Variants in LCK observed in about 807,000 individuals in gnomAD.
LCK encodes the protein LCK proto-oncogene, Src family tyrosine kinase, also known as tyrosine-protein kinase Lck.
In LCK, 14 loss-of-function variants were observed where a neutral mutation model predicts 64.6. That is an observed-to-expected ratio of 0.22 (90% CI 0.14 to 0.34). LCK has a LOEUF of 0.34. Ranked by LOEUF, LCK falls within the 10% of genes least tolerant of loss-of-function variation. The pLI, the probability that LCK is intolerant of heterozygous loss-of-function variation, is 1.00. For synonymous variants in LCK, 277 were observed against 263.6 expected, an observed-to-expected ratio of 1.05 and a Z score of -0.49; for missense variants, 434 against 668.1, an observed-to-expected ratio of 0.65 and a Z score of 3.86.
Position 32,274,797 on chromosome 1 carries a change from C to A in LCK, c.166C>A (p.Pro56Thr). Residue 56 changes from proline to threonine, a missense_variant, in exon 3 of 13, where the codon CCG becomes ACG. Transcript: ENST00000336890. ...ACTGGTTACCTACGAAGGCTCCAATCCGCCGGCTTCCCCACTGCAAGGTGA... is the reference window on the plus strand; with the variant it reads ...ACTGGTTACCTACGAAGGCTCCAATACGCCGGCTTCCCCACTGCAAGGTGA... ...DPLVTYEGSNPPASPLQDNLV... is the reference protein window; with the variant it reads ...DPLVTYEGSNTPASPLQDNLV... 1.2e-6 allele frequency: 2 copies of A among 1,613,634 alleles called. No individual in the cohort carries two copies. The highest frequency in any genetic ancestry group is 1.7e-6 in the Non-Finnish European group (2 of 1,179,758).
In LCK at chr1:32,283,250, T is replaced by C. The variant is rs539306931; in HGVS notation, c.1328-2264T>C. ...GTTGCAGTGAGCCGAGACTGTACCA[T>C]TGCACTCCAGCCTGGGCAACAGAGC... On this transcript the variant is annotated intron_variant, in intron 12 of 12. Coordinates refer to ENST00000336890, the MANE Select transcript of LCK (RefSeq NM_005356.5). Among the ~76,000 whole-genome samples, 158 of 146,898 alleles carry C rather than the reference T, an allele frequency of 1.1e-3. 1 individual carries two copies. The highest frequency in any genetic ancestry group is 3.9e-3 in the African/African-American group (154 of 39,268).
In LCK at chr1:32,265,783, C is replaced by G. The variant is rs112529317; in HGVS notation, c.-5-8542C>G. Reference sequence around the variant, plus strand: ...CTTCTGCTTCTTCTACTGGCCTTTTCTCACTGTTGCACCATAGTTTATCTC... The same window carrying G: ...CTTCTGCTTCTTCTACTGGCCTTTTGTCACTGTTGCACCATAGTTTATCTC... On this transcript the variant is annotated intron_variant, in intron 1 of 12. Transcript: ENST00000336890. 5.9e-5 allele frequency among the ~76,000 whole-genome samples: 9 copies of G among 152,284 alleles called. 1 individual carries two copies. The highest frequency in any genetic ancestry group is 2.2e-4 in the African/African-American group (9 of 41,572).
intron 1 of LCK, among the ~76,000 whole-genome samples, chr1:32,253,291 T>C (rs760193369): frequency 2.4e-4 from 37 of 151,992 alleles, no homozygotes; most frequent in Non-Finnish European, 4.7e-4. Context: ...GAACCCGGGA[T>C]GCACAGGTTG....
intron 11 of LCK, 39 bp downstream of exon 11, chr1:32,280,033 G>T (rs1204841375): frequency 6.2e-7 from 1 of 1,613,940 alleles, no homozygotes; most frequent in Admixed American, 1.7e-5. Flanking sequence ...GCCCTGCAGG[G>T]TCTGGCCAAG....
Position 32,274,337 on chromosome 1 carries a change from G to C in LCK, c.8G>C (p.Cys3Ser), listed in dbSNP as rs1640189479. The part of the protein sequence containing the change: MG[C>S]GCSSHPEDDW... ...TCCATTCCCTCAGGGACCATGGGCTGTGGCTGCAGCTCACACCCGGAAGAT... is the reference window on the plus strand; with the variant it reads ...TCCATTCCCTCAGGGACCATGGGCTCTGGCTGCAGCTCACACCCGGAAGAT... Residue 3 changes from cysteine (C) to serine (S), a missense_variant, in exon 2 of 13, where the codon TGT becomes TCT. Cys to Ser is a moderately radical substitution (Grantham distance 112). This residue lies in a region of LCK where 233 missense variants were observed against 291.2 expected (regional missense o/e 0.80). Transcript: ENST00000336890. 2.5e-6 allele frequency: 4 copies of C among 1,614,018 alleles called. No homozygotes were observed. Among genetic ancestry groups the C allele is most frequent in the Non-Finnish European group, 1.7e-6 (2 of 1,179,998 alleles).
intron 9 of LCK, among the ~76,000 whole-genome samples, chr1:32,278,777 A>T (rs75301577): frequency 2.0e-5 from 3 of 152,148 alleles, no homozygotes; most frequent in Non-Finnish European, 4.4e-5. Flanking sequence ...ATCTATGTCT[A>T]TGTATTTGCT....
intron 1 of LCK, among the ~76,000 whole-genome samples, chr1:32,257,288 G>T (rs559307027): frequency 6.7e-6 from 1 of 148,418 alleles, no homozygotes; most frequent in East Asian, 2.0e-4. Context: ...TTGCTCTGTC[G>T]CCTAGGCTGG....
intron 1 of LCK, among the ~76,000 whole-genome samples, chr1:32,256,598 TA>T (rs947732140): frequency 1.9e-4 from 28 of 146,036 alleles, no homozygotes; most frequent in East Asian, 2.0e-4. Flanking sequence ...AACTCTGTCT[TA>T]AAAAAAAAAA....
intron 1 of LCK, among the ~76,000 whole-genome samples, chr1:32,253,474 G>C (rs1011807370): frequency 2.0e-5 from 3 of 152,162 alleles, no homozygotes; most frequent in African/African-American, 7.2e-5. Context: ...AGTAGAGATG[G>C]AGTTTCACTA....
intron 12 of LCK, among the ~76,000 whole-genome samples, chr1:32,283,288 CAAAAAAA>C (rs888361880): frequency 9.3e-5 from 5 of 53,740 alleles, no homozygotes; most frequent in African/African-American, 3.3e-4. Flanking sequence ...GACTCTGTCT[CAAAAAAA>C]AAAAAAAAAA....
chr1:32,256,260 C>T (rs1056606145), intron 1 of LCK, among the ~76,000 whole-genome samples: 1 of 151,928 alleles, frequency 6.6e-6, no homozygotes, highest in South Asian at 2.1e-4. Flanking sequence ...GCCTCAGCTT[C>T]CCAAGTAGCT....
In LCK at chr1:32,276,826, T is replaced by C; in HGVS notation, c.964+40T>C. ...AGTCGGCTACCAGGGGATACTGCTC[T>C]CCCTGCTGTCCCTGCCAGAGGGTGG... On this transcript the variant is annotated intron_variant, in intron 9 of 12. Coordinates refer to ENST00000336890, the MANE Select transcript of LCK (RefSeq NM_005356.5). The surrounding 1 kb of genome is among the most constrained non-coding windows in gnomAD (Gnocchi z 4.6). 6.6e-7 allele frequency: 1 copy of C among 1,512,610 alleles called. No homozygotes were observed. The highest frequency in any genetic ancestry group is 8.9e-7 in the Non-Finnish European group (1 of 1,118,182). The allele number at this position is 1,512,610 out of a possible 1,614,324, so 93.7% of individuals were successfully genotyped here.
intron 12 of LCK, among the ~76,000 whole-genome samples, chr1:32,284,292 T>TGAGATATATATATATATCTGTGA (rs1640551833): frequency 7.0e-6 from 1 of 143,388 alleles, no homozygotes; most frequent in Non-Finnish European, 1.5e-5. Context: ...TATATATCTG[T>TGAGATATATATATATATCTGTGA]GAGATATATA....
Position 32,285,554 on chromosome 1 carries a change from C to A in LCK, c.1368C>A (p.Gly456=). The A allele has an allele frequency of 6.2e-7, 1 of 1,614,236 alleles. No homozygotes were observed. The highest frequency in any genetic ancestry group is 1.1e-5 in the South Asian group (1 of 91,086). The change falls in exon 13 of 13, where the codon GGC becomes GGA. Residue 456 remains glycine (G), a synonymous_variant. Coordinates refer to ENST00000336890, the MANE Select transcript of LCK (RefSeq NM_005356.5). ...AGGTGATTCAGAACCTGGAGCGAGG[C>A]TACCGCATGGTGCGCCCTGACAACT... is the stretch of plus-strand genomic sequence containing the variant. ...NPEVIQNLER[G]YRMVRPDNCP... is the part of the protein sequence containing the mutation.
chr1:32,274,637 A>T, intron 2 of LCK, 100 bp from the exon 3 acceptor site: 1 of 1,075,922 alleles, frequency 9.3e-7, no homozygotes, highest in Non-Finnish European at 1.4e-6. Flanking sequence ...GATAACATCT[A>T]ACCAGGCTGG....
chr1:32,265,014 T>C (rs1389156881), intron 1 of LCK, among the ~76,000 whole-genome samples: 1 of 151,992 alleles, frequency 6.6e-6, no homozygotes, highest in Non-Finnish European at 1.5e-5. Flanking sequence ...CAAGACCAGC[T>C]TGGGCAACAT....
intron 1 of LCK, among the ~76,000 whole-genome samples, chr1:32,255,800 ATTT>A (rs58539932): frequency 3.7e-5 from 5 of 133,384 alleles, no homozygotes; most frequent in African/African-American, 5.5e-5. Flanking sequence ...CATTAAATTT[ATTT>A]TTTTTTTTTT....
intron 1 of LCK, among the ~76,000 whole-genome samples, chr1:32,267,275 G>A (rs1250389022): frequency 2.0e-5 from 3 of 152,158 alleles, no homozygotes; most frequent in Non-Finnish European, 4.4e-5. Flanking sequence ...GGGAAAGAGT[G>A]AATACGTACC....
chr1:32,278,428 T>C (rs1422140209), intron 9 of LCK, among the ~76,000 whole-genome samples: 1 of 151,698 alleles, frequency 6.6e-6, no homozygotes, highest in Non-Finnish European at 1.5e-5. Context: ...AGCCTCCCCC[T>C]CCTGGGTTCA....
Sources: gnomAD v4.1 joint callset for allele counts (sites outside exome capture counted in the v4.1 genomes callset) on GRCh38, gnomAD v4.1.1 for gene constraint, gnomAD v4.1.1 regional missense constraint, Gnocchi (gnomAD v3.1) non-coding constraint, MANE v1.5 for transcripts, NCBI Gene and HGNC (gene_info 2026-07-23, HGNC 2026-07-21) for gene names.